The following MPDZ variants were observed in gnomAD, a reference collection of about 807,000 sequenced individuals.
MPDZ encodes multiple PDZ domain crumbs cell polarity complex component, also known as multiple PDZ domain protein.
MPDZ carries 234 observed loss-of-function variants against 239.1 expected under a neutral mutation model. The observed-to-expected ratio is 0.98, with a 90% CI of 0.88 to 1.09. The LOEUF (loss-of-function observed/expected upper bound fraction) is 1.09, where lower values mean the gene tolerates loss of function less well. Among genes scored for constraint, MPDZ ranks in the 50% least tolerant of loss-of-function variants. The pLI, the probability that MPDZ is intolerant of heterozygous loss-of-function variation, is 0.00. For synonymous variants in MPDZ, 1,048 were observed against 881.3 expected, an observed-to-expected ratio of 1.19 and a Z score of -3.35; for missense variants, 3,175 against 2,510.0, an observed-to-expected ratio of 1.26 and a Z score of -5.66.
chr9:13,132,545 A>G (rs1024845135), intron 32 of MPDZ, among the ~76,000 whole-genome samples: 1 of 152,218 alleles, frequency 6.6e-6, no homozygotes, highest in Non-Finnish European at 1.5e-5. Context: ...AACAGAAAAC[A>G]TCAGAGAAAA....
Position 13,136,276 on chromosome 9 carries a change from TAACCCCCAAAACCTGG to T in MPDZ, c.4293-110_4293-95del, listed in dbSNP as rs1413072491. The T allele has an allele frequency of 4.5e-6, 3 of 672,144 alleles. No homozygotes were observed. The African/African-American group carries it at 6.0e-5, about 14-fold the overall frequency. The allele number at this position is 672,144 out of a possible 1,614,324, so 41.6% of individuals were successfully genotyped here. ...CAGAAGGTTATTAGAGAAAATTATT[TAACCCCCAAAACCTGG>T]AACTGTGACACTTACAAATTTACAA... On this transcript the variant is annotated intron_variant, in intron 30 of 46. Transcript: ENST00000319217.
intron 1 of MPDZ, among the ~76,000 whole-genome samples, chr9:13,271,630 A>C (rs979580240): frequency 1.3e-5 from 2 of 152,174 alleles, no homozygotes; most frequent in African/African-American, 4.8e-5. Flanking sequence ...ATTAAATGTT[A>C]ATCTGTGTTC....
At chr9:13,117,363 C>T (rs956302265) in intron 39 of MPDZ, among the ~76,000 whole-genome samples, 1 of 151,968 alleles carries the variant, frequency 6.6e-6, no homozygotes, top group Non-Finnish European at 1.5e-5. Context: ...AACCCTGCCT[C>T]TACCAAAAAT....
At position 13,139,982 on chromosome 9, in the gene MPDZ, C is replaced by G; in HGVS notation, c.4003+5G>C. 2 of 1,613,370 alleles carry G rather than the reference C, an allele frequency of 1.2e-6. No individual in the cohort carries two copies. The highest frequency in any genetic ancestry group is 2.2e-5 in the South Asian group (2 of 91,068). ...AATTAAATGCATCACAAAAACACAA[C>G]TTACTCCAGCTGTAACCAAACTCAT... On this transcript the variant is annotated splice_donor_5th_base_variant and intron_variant, in intron 28 of 46. Coordinates refer to ENST00000319217, the MANE Select transcript of MPDZ (RefSeq NM_001378778.1).
At chr9:13,125,474 T>C in intron 34 of MPDZ, 84 bp from the exon 35 acceptor site, 3 of 1,233,140 alleles carry the variant, frequency 2.4e-6, no homozygotes, top group Non-Finnish European at 3.4e-6. Flanking sequence ...ATCAATGGAA[T>C]CTAATTCTCT....
In MPDZ at chr9:13,216,801, T is replaced by C. The variant is rs1958405808; in HGVS notation, c.1263A>G (p.Arg421=). 1 of 1,609,784 alleles carries C rather than the reference T, an allele frequency of 6.2e-7. No individual in the cohort carries two copies. The highest frequency in any genetic ancestry group is 1.1e-5 in the South Asian group (1 of 90,784). Residue 421 remains arginine, a synonymous_variant, in exon 10 of 47, where the codon AGA becomes AGG. Coordinates refer to ENST00000319217, the MANE Select transcript of MPDZ (RefSeq NM_001378778.1). ...CTATAATTTGGTCTCCAATTTGGAT[T>C]CTTCCATCATGCTCAACGGCACTGC... The part of the protein sequence containing the change: ...TKSSAVEHDG[R]IQIGDQIIAV...
chr9:13,195,276 A>C (rs958422012), intron 13 of MPDZ, among the ~76,000 whole-genome samples: 8 of 152,176 alleles, frequency 5.3e-5, no homozygotes, highest in African/African-American at 1.9e-4. Flanking sequence ...TGACAGAGCG[A>C]GACCTTGTCT....
At chr9:13,268,113 T>C (rs1389363592) in intron 1 of MPDZ, among the ~76,000 whole-genome samples, 1 of 151,788 alleles carries the variant, frequency 6.6e-6, no homozygotes, top group South Asian at 2.1e-4. Flanking sequence ...GGCTAATTAA[T>C]CATGTTTCAA....
At chr9:13,193,379 T>A in intron 13 of MPDZ, 66 bp from the exon 14 acceptor site, 1 of 1,430,274 alleles carries the variant, frequency 7.0e-7, no homozygotes, top group Non-Finnish European at 9.3e-7. Context: ...CATGCACACA[T>A]TTTATGTTTT....
chr9:13,198,737 C>CTCTGTCTGTGTGTGTG (rs755487892), intron 12 of MPDZ, among the ~76,000 whole-genome samples: 1 of 69,754 alleles, frequency 1.4e-5, no homozygotes, highest in Non-Finnish European at 2.9e-5. Context: ...ATCTCTCTCT[C>CTCTGTCTGTGTGTGTG]TGTGTGTGTG....
intron 1 of MPDZ, among the ~76,000 whole-genome samples, chr9:13,271,440 A>G (rs935331819): frequency 1.3e-5 from 2 of 152,220 alleles, no homozygotes; most frequent in Non-Finnish European, 2.9e-5. Flanking sequence ...GTGTAAAAGT[A>G]GAACACAAAA....
intron 44 of MPDZ, 27 bp downstream of exon 44, chr9:13,110,609 G>C (rs7867086): frequency 6.4e-7 from 1 of 1,555,978 alleles, no homozygotes; most frequent in Non-Finnish European, 8.9e-7. Context: ...CCTATATTCT[G>C]AATTATGCTT....
At chr9:13,234,214 T>G (rs1963327673) in intron 3 of MPDZ, among the ~76,000 whole-genome samples, 1 of 152,102 alleles carries the variant, frequency 6.6e-6, no homozygotes, top group Admixed American at 6.6e-5. Context: ...TTATAATATT[T>G]TGACCATATA....
At chr9:13,190,092 G>T (rs1311270924) in intron 16 of MPDZ, 22 bp downstream of exon 16, 3 of 1,597,140 alleles carry the variant, frequency 1.9e-6, no homozygotes, top group African/African-American at 2.7e-5. Context: ...TTTAAAAATT[G>T]TTAAAAGTAG....
chr9:13,185,246 T>C (rs1272249878), intron 18 of MPDZ, among the ~76,000 whole-genome samples: 1 of 152,040 alleles, frequency 6.6e-6, no homozygotes, highest in Non-Finnish European at 1.5e-5. Context: ...CCAAAACTTT[T>C]CAAATGGCTA....
At chr9:13,191,303 T>C (rs1006052275) in intron 15 of MPDZ, among the ~76,000 whole-genome samples, 1 of 152,152 alleles carries the variant, frequency 6.6e-6, no homozygotes, top group Admixed American at 6.6e-5. Flanking sequence ...AATTATTCCA[T>C]TGTACTGATT....
At chr9:13,247,909 A>G in intron 2 of MPDZ, 108 bp from the exon 3 acceptor site, 4 of 1,066,444 alleles carry the variant, frequency 3.8e-6, no homozygotes, top group Non-Finnish European at 2.7e-6. Context: ...TTGAGTGCAT[A>G]AAATTGTCTC....
chr9:13,269,383 T>C (rs986110825), intron 1 of MPDZ, among the ~76,000 whole-genome samples: 4 of 152,206 alleles, frequency 2.6e-5, no homozygotes, highest in African/African-American at 4.8e-5. Flanking sequence ...GTGTTGCTGT[T>C]GTTTCCTTTT....
Position 13,150,677 on chromosome 9 carries a change from C to T in MPDZ, c.3464G>A (p.Trp1155Ter), listed in dbSNP as rs1203880334. 2 of 1,374,592 alleles carry T rather than the reference C, an allele frequency of 1.5e-6. No homozygotes were observed. Among genetic ancestry groups the T allele is most frequent in the African/African-American group, 1.5e-5 (1 of 67,268 alleles). 85.1% of individuals were successfully genotyped at this position (1,374,592 alleles called of 1,614,324 possible). A position where few individuals can be genotyped will look rare whatever the true frequency, so the allele number is the denominator to read the frequency against. ...GCCTAAGGATTTGCTTGGTTCTCTC[C>T]AGAGTTCCACCCTAAAAAATAAATA... The part of the protein sequence containing the change: ...NWNQPRRVEL[W>*]REPSKSLGIS... Residue 1155 changes from tryptophan to a stop codon, truncating the protein, a stop_gained, in exon 25 of 47, where the codon TGG becomes TAG. Transcript: ENST00000319217. LOFTEE classifies it high-confidence loss of function.
Sources: gnomAD v4.1 joint callset for allele counts (sites outside exome capture counted in the v4.1 genomes callset) on GRCh38, gnomAD v4.1.1 for gene constraint, MANE v1.5 for transcripts, NCBI Gene and HGNC (gene_info 2026-07-23, HGNC 2026-07-21) for gene names.